Variants in LMF1 observed in about 807,000 individuals in gnomAD.
The protein encoded by LMF1 is lipase maturation factor 1.
A neutral mutation model predicts 60.6 loss-of-function variants in LMF1; 68 were observed. That is an observed-to-expected ratio of 1.12 (90% CI 0.92 to 1.37). LMF1 has a LOEUF of 1.37. LMF1 is among the 40% of genes most tolerant of loss of function. The probability of loss-of-function intolerance (pLI) is 0.00; values close to 1 mark genes in which losing one functional copy is unlikely to be tolerated. For missense variants in LMF1, 948 were observed against 767.2 expected, an observed-to-expected ratio of 1.24 and a Z score of -2.78; for synonymous variants, 418 against 324.7, an observed-to-expected ratio of 1.29 and a Z score of -3.09.
intron 4 of LMF1, chr16:902,264 G>A (rs2070834746): frequency 6.6e-6 from 1 of 152,490 alleles, no homozygotes; most frequent in Non-Finnish European, 1.5e-5. Context: ...GCCAGGCTCT[G>A]CTCCAGCCCC....
chr16:969,286 G>A (rs995360851), intron 1 of LMF1, among the ~76,000 whole-genome samples: 1 of 152,120 alleles, frequency 6.6e-6, no homozygotes, highest in African/African-American at 2.4e-5. Context: ...TTGCGCTCCA[G>A]CCTGGGCAAC....
chr16:976,976 TGCTC>T, intron 1 of LMF1: 1 of 453,704 alleles, frequency 2.2e-6, no homozygotes, highest in South Asian at 1.6e-5. Flanking sequence ...GGGCTGGAAA[TGCTC>T]GTCCTCCGTG....
chr16:869,780 C>A, intron 9 of LMF1, 103 bp downstream of exon 9: 1 of 1,216,750 alleles, frequency 8.2e-7, no homozygotes, highest in South Asian at 1.4e-5. Context: ...CAGCCTCCCT[C>A]CCCACCAGCC....
At chr16:975,892 A>G, upstream of LMF1, 1 of 449,696 alleles carries the variant, frequency 2.2e-6, no homozygotes. Context: ...CCTTTGTGGC[A>G]TGCTTATTTC....
At chr16:972,823 G>T (rs910838503), upstream of LMF1, among the ~76,000 whole-genome samples, 2 of 152,232 alleles carry the variant, frequency 1.3e-5, no homozygotes, top group Admixed American at 6.5e-5. Context: ...GCCCAGGGTG[G>T]GAGCAGTCAG....
chr16:881,146 T>G (rs1257491425), intron 5 of LMF1, among the ~76,000 whole-genome samples: 1 of 152,146 alleles, frequency 6.6e-6, no homozygotes, highest in Non-Finnish European at 1.5e-5. Flanking sequence ...TGGGCAGCGC[T>G]TGCTCCGGGG....
chr16:931,468 C>G (rs1265862019), intron 3 of LMF1, among the ~76,000 whole-genome samples: 1 of 152,246 alleles, frequency 6.6e-6, no homozygotes, highest in African/African-American at 2.4e-5. Flanking sequence ...GAGATGGACA[C>G]AGACGCACAC....
intron 7 of LMF1, 100 bp from the exon 8 acceptor site, chr16:870,982 G>A (rs1596864161): frequency 6.8e-7 from 1 of 1,461,632 alleles, no homozygotes; most frequent in Non-Finnish European, 9.1e-7. Flanking sequence ...CAGCTGTCCT[G>A]GGTCCCGGGG....
chr16:972,489 G>A (rs971455800), upstream of LMF1, among the ~76,000 whole-genome samples: 4 of 152,208 alleles, frequency 2.6e-5, no homozygotes, highest in Non-Finnish European at 4.4e-5. Context: ...CTGGGGGCCA[G>A]CTTAGGAAGG....
intron 1 of LMF1, chr16:976,171 G>GCC (rs144464040): frequency 0.051 from 23,251 of 453,098 alleles, 691 homozygotes; most frequent in Non-Finnish European, 0.065. Flanking sequence ...GAGGACCTCA[G>GCC]CCCCCCAGTG....
intron 3 of LMF1, among the ~76,000 whole-genome samples, chr16:925,032 C>T (rs971711807): frequency 3.0e-4 from 46 of 152,190 alleles, no homozygotes; most frequent in African/African-American, 8.0e-4. Flanking sequence ...GACCCCCGTC[C>T]GCAGAGTGCT....
rs1007140692 is a variant in LMF1, at chr16:897,051, C to T, written c.664-3979G>A. Among the ~76,000 whole-genome samples the T allele has an allele frequency of 4.6e-5, 7 of 152,100 alleles. No individual in the cohort carries two copies. The highest frequency in any genetic ancestry group is 1.0e-4 in the Non-Finnish European group (7 of 68,008). ...TAAACGCACCAGACCCAAAGGGAGC[C>T]GGGGACCCACACTGCCCGTGCCACC... On this transcript the variant is annotated intron_variant, in intron 4 of 10. Coordinates refer to ENST00000262301, the MANE Select transcript of LMF1 (RefSeq NM_022773.4). The surrounding 1 kb of genome is among the most constrained non-coding windows in gnomAD (Gnocchi z 4.3).
At chr16:877,390 C>A (rs932138996) in intron 6 of LMF1, among the ~76,000 whole-genome samples, 1 of 152,192 alleles carries the variant, frequency 6.6e-6, no homozygotes, top group Non-Finnish European at 1.5e-5. Context: ...GAGACCCTGG[C>A]GGCGCAGGTG....
intron 1 of LMF1, chr16:981,000 C>G (rs1484301971): frequency 5.4e-6 from 1 of 184,822 alleles, no homozygotes; most frequent in Admixed American, 6.5e-5. Context: ...GGGGTCAGCG[C>G]AGGCCCCGCC....
intron 10 of LMF1, among the ~76,000 whole-genome samples, chr16:861,216 T>C (rs919034491): frequency 1.3e-5 from 2 of 152,158 alleles, no homozygotes; most frequent in African/African-American, 2.4e-5. Flanking sequence ...ATTTCGCTTT[T>C]TGGAGTGGTT....
chr16:864,585 C>T (rs1424175703), intron 10 of LMF1, among the ~76,000 whole-genome samples: 1 of 151,940 alleles, frequency 6.6e-6, no homozygotes, highest in Non-Finnish European at 1.5e-5. Flanking sequence ...GTATTAAACT[C>T]ATTTTTGACT....
At chr16:939,283 C>T (rs1432041252) in intron 2 of LMF1, among the ~76,000 whole-genome samples, 3 of 152,202 alleles carry the variant, frequency 2.0e-5, no homozygotes, top group Non-Finnish European at 4.4e-5. Context: ...ACCCTGGGTG[C>T]AGGCTGGCGG....
At chr16:977,142 G>A (rs927271549) in intron 1 of LMF1, 1 of 453,100 alleles carries the variant, frequency 2.2e-6, no homozygotes, top group Non-Finnish European at 4.4e-6. Flanking sequence ...ACTGCCCTGT[G>A]AGCGCCAGGA....
chr16:930,169 C>T, intron 3 of LMF1, among the ~76,000 whole-genome samples: 1 of 141,866 alleles, frequency 7.0e-6, no homozygotes, highest in East Asian at 2.0e-4. Flanking sequence ...CCCTGGGACA[C>T]AGAGCCCAGG....
Sources: gnomAD v4.1 joint callset for allele counts (sites outside exome capture counted in the v4.1 genomes callset) on GRCh38, gnomAD v4.1.1 for gene constraint, Gnocchi (gnomAD v3.1) non-coding constraint, MANE v1.5 for transcripts, NCBI Gene and HGNC (gene_info 2026-07-23, HGNC 2026-07-21) for gene names.